The following TPR variants were observed in gnomAD, a reference collection of about 807,000 sequenced individuals.
TPR encodes the protein nucleoprotein TPR.
TPR carries 51 observed loss-of-function variants against 316.1 expected under a neutral mutation model. The observed-to-expected ratio is 0.16, with a 90% CI of 0.13 to 0.20. The LOEUF is 0.20. TPR is among the 10% of genes least tolerant of loss of function. The pLI is 1.00. For missense variants in TPR, 2,272 were observed against 2,754.8 expected, an observed-to-expected ratio of 0.82 and a Z score of 3.92; for synonymous variants, 981 against 914.7, an observed-to-expected ratio of 1.07 and a Z score of -1.31.
intron 17 of TPR, 84 bp from the exon 18 acceptor site, chr1:186,353,934 C>T (rs1658948070): frequency 1.6e-6 from 2 of 1,286,486 alleles, no homozygotes; most frequent in Admixed American, 2.2e-5. Context: ...TAGCTTAACC[C>T]ATTTCCCCAA....
At chr1:186,344,285 A>G (rs1320511438) in intron 25 of TPR, 90 bp downstream of exon 25, 3 of 1,479,042 alleles carry the variant, frequency 2.0e-6, no homozygotes, top group African/African-American at 2.8e-5. Flanking sequence ...TGGGTGACAG[A>G]GCGAGGCTCC....
Position 186,312,785 on chromosome 1 carries a change from A to C in TPR, c.*1186T>G, listed in dbSNP as rs141044991. On this transcript the variant is annotated 3_prime_UTR_variant, in exon 51 of 51. Coordinates refer to ENST00000367478, the MANE Select transcript of TPR (RefSeq NM_003292.3). The stretch of plus-strand genomic sequence containing the variant: ...CACTTACAGGTGTCCTTCATAATGA[A>C]GTTAAAGTGAGTATACTGTGGAGAG... 2 of 1,612,946 alleles carry C rather than the reference A, an allele frequency of 1.2e-6. No individual in the cohort carries two copies. Among genetic ancestry groups the C allele is most frequent in the Admixed American group, 1.7e-5 (1 of 60,022 alleles).
At chr1:186,363,945 C>T (rs1210091472) in intron 4 of TPR, among the ~76,000 whole-genome samples, 1 of 152,042 alleles carries the variant, frequency 6.6e-6, no homozygotes, top group African/African-American at 2.4e-5. Context: ...TACTGTATTA[C>T]TGGAATACTT....
intron 2 of TPR, 59 bp downstream of exon 2, chr1:186,373,300 G>A (rs952933658): frequency 9.3e-6 from 11 of 1,185,056 alleles, no homozygotes; most frequent in Non-Finnish European, 8.6e-6. Context: ...AGTATATAAA[G>A]GAGTCTCTGA....
intron 2 of TPR, among the ~76,000 whole-genome samples, chr1:186,371,549 C>T (rs1659526647): frequency 6.6e-6 from 1 of 152,168 alleles, no homozygotes; most frequent in Non-Finnish European, 1.5e-5. Flanking sequence ...ACTTATCAAT[C>T]TCTCAATTGC....
rs1557986838 is a variant in TPR, at chr1:186,322,428, C to CA, written c.6367-17dup. Reference sequence around the variant, plus strand: ...AATGCTGTTGCTAAAACAAAGAAAACAGAGTTAACAAACAAAACACCACAC... The same window carrying CA: ...AATGCTGTTGCTAAAACAAAGAAAACAAGAGTTAACAAACAAAACACCACAC... On this transcript the variant is annotated splice_polypyrimidine_tract_variant and intron_variant, in intron 44 of 50. Transcript: ENST00000367478. The CA allele has an allele frequency of 6.2e-7, 1 of 1,611,732 alleles. No homozygotes were observed. Among genetic ancestry groups the CA allele is most frequent in the Non-Finnish European group, 8.5e-7 (1 of 1,179,222 alleles).
At position 186,352,763 on chromosome 1, in the gene TPR, A is replaced by G. The variant is rs559515984; in HGVS notation, c.2335-653T>C. 5.0e-4 allele frequency among the ~76,000 whole-genome samples: 76 copies of G among 152,326 alleles called. 1 individual carries two copies. The highest frequency in any genetic ancestry group is 1.8e-3 in the African/African-American group (76 of 41,574). On this transcript the variant is annotated intron_variant, in intron 18 of 50. Transcript: ENST00000367478. ...CAGCCTTATAAGAGCATTATAAGACATGGGTTCAAGTCCTAACCAACCCAT... is the reference window on the plus strand; with the variant it reads ...CAGCCTTATAAGAGCATTATAAGACGTGGGTTCAAGTCCTAACCAACCCAT...
intron 37 of TPR, among the ~76,000 whole-genome samples, chr1:186,332,668 C>T (rs1658201712): frequency 1.3e-5 from 2 of 152,108 alleles, no homozygotes; most frequent in African/African-American, 2.4e-5. Flanking sequence ...ACAAAGTTTA[C>T]ATGGGACCTT....
intron 15 of TPR, 97 bp downstream of exon 15, chr1:186,356,187 AAG>A: frequency 3.8e-6 from 4 of 1,064,910 alleles, no homozygotes; most frequent in Non-Finnish European, 5.2e-6. Flanking sequence ...GTCAAATTTG[AAG>A]CTACCATCAT....
At chr1:186,325,984 A>T (rs1377981869) in intron 41 of TPR, 120 bp downstream of exon 41, 2 of 1,559,814 alleles carry the variant, frequency 1.3e-6, no homozygotes, top group Non-Finnish European at 1.7e-6. Flanking sequence ...AACAAAACAA[A>T]TGAACAAAAC....
Position 186,312,343 on chromosome 1 carries a change from C to T in TPR, c.*1628G>A. 4 of 1,608,822 alleles carry T rather than the reference C, an allele frequency of 2.5e-6. No individual in the cohort carries two copies. Among genetic ancestry groups the T allele is most frequent in the Middle Eastern group, 1.7e-4 (1 of 6,006 alleles). On this transcript the variant is annotated 3_prime_UTR_variant, in exon 51 of 51. Transcript: ENST00000367478. ...ACACACACCATCAGAATTCAATATT[C>T]ACCTGCCAGACTGGCTTATCAAGAC...
rs374038630 is a variant in TPR, at chr1:186,350,228, C to T, written c.2771G>A (p.Gly924Asp). Residue 924 changes from glycine to aspartate, a missense_variant, in exon 21 of 51, where the codon GGT (glycine) becomes GAT (aspartate). Physicochemically the swap from Gly to Asp is moderately conservative, Grantham distance 94. Coordinates refer to ENST00000367478, the MANE Select transcript of TPR (RefSeq NM_003292.3). ...QVASQSSQRTGKGQPSNKEDV... is the reference protein window; with the variant it reads ...QVASQSSQRTDKGQPSNKEDV... ...GGTCTACTTATTTTATTTACCTTTA[C>T]CAGTTCTCTGTGAAGACTGAGAAGC... The T allele has an allele frequency of 5.0e-6, 8 of 1,605,364 alleles. No homozygotes were observed. Among genetic ancestry groups the T allele is most frequent in the Non-Finnish European group, 6.8e-6 (8 of 1,177,466 alleles).
At chr1:186,363,137 T>A in intron 5 of TPR, 136 bp from the exon 6 acceptor site, 2 of 1,089,580 alleles carry the variant, frequency 1.8e-6, no homozygotes, top group Non-Finnish European at 2.6e-6. Context: ...GATTCTTAAC[T>A]AGAAAACATT....
intron 37 of TPR, 39 bp downstream of exon 37, chr1:186,333,083 C>A: frequency 1.3e-6 from 2 of 1,598,320 alleles, no homozygotes; most frequent in Non-Finnish European, 1.7e-6. Context: ...CTTATAAATG[C>A]ATAGGTCTAC....
At position 186,361,041 on chromosome 1, in the gene TPR, T is replaced by C. The variant is rs2026188; in HGVS notation, c.959-136A>G. On this transcript the variant is annotated intron_variant, in intron 9 of 50. Coordinates refer to ENST00000367478, the MANE Select transcript of TPR (RefSeq NM_003292.3). ...GAGAGGCTTCAGCTGACAGTATCTA[T>C]TGAAAGTTCTTGCTCTACTTATAAT... 4.4e-3 allele frequency: 3,994 copies of C among 901,354 alleles called. 121 individuals carry two copies. In the East Asian group the frequency reaches 0.073, roughly 17 times the overall value. 55.8% of individuals were successfully genotyped at this position (901,354 alleles called of 1,614,324 possible). A position where few individuals can be genotyped will look rare whatever the true frequency, so the allele number is the denominator to read the frequency against.
intron 17 of TPR, 54 bp from the exon 18 acceptor site, chr1:186,353,904 C>G: frequency 1.3e-6 from 2 of 1,545,202 alleles, no homozygotes; most frequent in South Asian, 2.4e-5. Context: ...CTAGCTTAAT[C>G]CCTTGAAGAA....
chr1:186,367,828 G>T, intron 4 of TPR, 58 bp downstream of exon 4: 1 of 1,271,370 alleles, frequency 7.9e-7, no homozygotes, highest in Non-Finnish European at 1.1e-6. Flanking sequence ...CTAACTCCTA[G>T]CACTAACAGA....
Position 186,336,997 on chromosome 1 carries a change from G to C in TPR, c.4506+16C>G, listed in dbSNP as rs751044431. Reference sequence around the variant, plus strand: ...AACAGGAAAGAATTAGGAACAGACTGTTCTCACACTCATACCTTCTGCAGA... The same window carrying C: ...AACAGGAAAGAATTAGGAACAGACTCTTCTCACACTCATACCTTCTGCAGA... On this transcript the variant is annotated intron_variant, in intron 32 of 50. Coordinates refer to ENST00000367478, the MANE Select transcript of TPR (RefSeq NM_003292.3). 3 of 1,613,424 alleles carry C rather than the reference G, an allele frequency of 1.9e-6. No individual in the cohort carries two copies. The highest frequency in any genetic ancestry group is 1.7e-6 in the Non-Finnish European group (2 of 1,179,604).
At position 186,355,671 on chromosome 1, in the gene TPR, T is replaced by A. The variant is rs375792615; in HGVS notation, c.1986A>T (p.Ser662=). Residue 662 remains serine, a synonymous_variant, in exon 16 of 51, where the codon TCA becomes TCT. Coordinates refer to ENST00000367478, the MANE Select transcript of TPR (RefSeq NM_003292.3). ...STPAPVPVIE[S]TEAIEAKAAL... is the part of the protein sequence containing the mutation. ...CAGCCTTAGCCTCTATAGCCTCTGT[T>A]GATTCAATAACAGGTACTGGAGCAG... 5.0e-6 allele frequency: 8 copies of A among 1,614,026 alleles called. No homozygotes were observed. The highest frequency in any genetic ancestry group is 1.3e-5 in the African/African-American group (1 of 74,930).
Sources: allele counts gnomAD v4.1 joint callset (sites outside exome capture counted in the v4.1 genomes callset), GRCh38; gene constraint gnomAD v4.1.1; transcripts MANE v1.5; gene names NCBI Gene and HGNC (gene_info 2026-07-23, HGNC 2026-07-21).